The following MLLT3 variants were observed in gnomAD, a reference collection of about 807,000 sequenced individuals.
The protein encoded by MLLT3 is MLLT3 super elongation complex subunit, also known as protein AF-9.
Under a neutral mutation model 53.2 loss-of-function variants are expected in MLLT3, and 4 were observed. The observed-to-expected ratio is 0.08, with a 90% CI of 0.04 to 0.17. MLLT3 has a LOEUF of 0.17. Among genes scored for constraint, MLLT3 ranks in the 10% least tolerant of loss-of-function variants. The pLI is 1.00. For synonymous variants in MLLT3, 283 were observed against 230.6 expected (o/e 1.23, Z -2.06); for missense variants, 569 against 684.0 (o/e 0.83, Z 1.87).
chr9:20,566,336 T>C (rs1027740964), intron 2 of MLLT3, among the ~76,000 whole-genome samples: 3 of 151,820 alleles, frequency 2.0e-5, no homozygotes, highest in African/African-American at 7.3e-5. Context: ...AGGACCCTTC[T>C]GCCCCCTAAC....
chr9:20,509,848 T>C (rs920391707), intron 2 of MLLT3, among the ~76,000 whole-genome samples: 2 of 151,514 alleles, frequency 1.3e-5, no homozygotes, highest in African/African-American at 4.9e-5. Flanking sequence ...CAGAGCACAG[T>C]ATAATGATCA....
rs1349153141 is a variant in MLLT3, at chr9:20,589,387, G to C, written c.193+31267C>G. On this transcript the variant is annotated intron_variant, in intron 2 of 10. Transcript: ENST00000380338. ...CTCATAGGTGGGAATTGAACAATGA[G>C]ATCACATGGACACAGGAAGGGGAAC... Among the ~76,000 whole-genome samples the C allele has an allele frequency of 4.3e-5, 6 of 139,702 alleles. No homozygotes were observed. In the East Asian group the frequency reaches 1.3e-3, roughly 30 times the overall value. The allele number at this position is 139,702 out of a possible 152,430, so 91.6% of individuals were successfully genotyped here. A position where few individuals can be genotyped will look rare whatever the true frequency, so the allele number is the denominator to read the frequency against.
chr9:20,547,262 G>A (rs1451370240), intron 2 of MLLT3, among the ~76,000 whole-genome samples: 1 of 151,758 alleles, frequency 6.6e-6, no homozygotes, highest in Non-Finnish European at 1.5e-5. Flanking sequence ...TCAAACTCCT[G>A]GGCTCAAGTG....
At chr9:20,580,028 A>G (rs1273808107) in intron 2 of MLLT3, among the ~76,000 whole-genome samples, 1 of 152,224 alleles carries the variant, frequency 6.6e-6, no homozygotes, top group African/African-American at 2.4e-5. Flanking sequence ...AAACAGGCCC[A>G]TTAAATAAAG....
At chr9:20,411,272 C>G (rs1300466225) in intron 5 of MLLT3, 1 of 153,354 alleles carries the variant, frequency 6.5e-6, no homozygotes, top group Non-Finnish European at 1.5e-5. Flanking sequence ...CCAGGTAGGA[C>G]AGGTAGGAGA....
At chr9:20,582,314 G>A (rs904991737) in intron 2 of MLLT3, among the ~76,000 whole-genome samples, 3 of 152,056 alleles carry the variant, frequency 2.0e-5, no homozygotes, top group East Asian at 1.9e-4. Context: ...AATGTATAAC[G>A]TCATGTAACC....
Position 20,522,008 on chromosome 9 carries a change from T to G in MLLT3, c.194-65222A>C, listed in dbSNP as rs1481058088. 7.3e-4 allele frequency among the ~76,000 whole-genome samples: 29 copies of G among 39,500 alleles called. 1 individual carries two copies. In the East Asian group the frequency reaches 0.053, roughly 73 times the overall value. 25.9% of individuals were successfully genotyped at this position (39,500 alleles called of 152,430 possible). A position where few individuals can be genotyped will look rare whatever the true frequency, so the allele number is the denominator to read the frequency against. On this transcript the variant is annotated intron_variant, in intron 2 of 10. Transcript: ENST00000380338. ...TATAATTAAGTTTTGACTGTCACAG[T>G]TTTTTTTTTTTTTAACACTCTGAAA...
chr9:20,566,437 G>A (rs1384462495), intron 2 of MLLT3, among the ~76,000 whole-genome samples: 1 of 152,028 alleles, frequency 6.6e-6, no homozygotes, highest in Non-Finnish European at 1.5e-5. Context: ...CAATACGTAG[G>A]CATATTCAGT....
At chr9:20,503,884 G>T (rs1825312416) in intron 2 of MLLT3, among the ~76,000 whole-genome samples, 2 of 152,052 alleles carry the variant, frequency 1.3e-5, no homozygotes, top group South Asian at 4.2e-4. Context: ...ATTTTAAAAT[G>T]GGTGAAGGAC....
chr9:20,415,441 T>G (rs773792534), intron 4 of MLLT3: 9 of 969,128 alleles, frequency 9.3e-6, no homozygotes, highest in Non-Finnish European at 1.1e-5. Flanking sequence ...CTTACCATAT[T>G]TGTGAACCTC....
chr9:20,463,273 C>T (rs990140934), intron 2 of MLLT3, among the ~76,000 whole-genome samples: 1 of 151,146 alleles, frequency 6.6e-6, no homozygotes, highest in Non-Finnish European at 1.5e-5. Context: ...GCTTCTCTTT[C>T]AAGGGGGTGG....
chr9:20,494,784 T>C (rs1825040208), intron 2 of MLLT3, among the ~76,000 whole-genome samples: 1 of 152,302 alleles, frequency 6.6e-6, no homozygotes, highest in East Asian at 1.9e-4. Context: ...GTCCTGAGTT[T>C]GTTATTTGAA....
chr9:20,505,979 T>C (rs1825371130), intron 2 of MLLT3, among the ~76,000 whole-genome samples: 1 of 152,176 alleles, frequency 6.6e-6, no homozygotes, highest in Admixed American at 6.5e-5. Flanking sequence ...ACAGAAAACA[T>C]GCATTTCTGT....
In MLLT3 at chr9:20,547,814, T is replaced by C. The variant is rs115401245; in HGVS notation, c.193+72840A>G. 4.4e-3 allele frequency among the ~76,000 whole-genome samples: 675 copies of C among 152,186 alleles called. 4 individuals are homozygous for C. Among genetic ancestry groups the C allele is most frequent in the African/African-American group, 0.014 (592 of 41,522 alleles). On this transcript the variant is annotated intron_variant, in intron 2 of 10. Coordinates refer to ENST00000380338, the MANE Select transcript of MLLT3 (RefSeq NM_004529.4). ...AAAAATAAACAATATTAGCCAAGTG[T>C]GGTAGTGCACACCTATAGTCCTAGC... is the stretch of plus-strand genomic sequence containing the variant.
chr9:20,369,926 A>T (rs1821552965), intron 5 of MLLT3, among the ~76,000 whole-genome samples: 2 of 152,172 alleles, frequency 1.3e-5, no homozygotes, highest in African/African-American at 4.8e-5. Flanking sequence ...ACATGTGTGA[A>T]TGCTAAACCA....
At chr9:20,494,382 T>C (rs1459883772) in intron 2 of MLLT3, among the ~76,000 whole-genome samples, 2 of 152,104 alleles carry the variant, frequency 1.3e-5, no homozygotes, top group East Asian at 1.9e-4. Flanking sequence ...ATTTGCTCTG[T>C]TTTGTTTTTA....
intron 2 of MLLT3, among the ~76,000 whole-genome samples, chr9:20,567,180 C>CA (rs35890145): frequency 0.61 from 73,515 of 121,282 alleles, 21,315 homozygotes; most frequent in South Asian, 0.7. Context: ...CACTCAAAGT[C>CA]AAAAAAAAAA....
At chr9:20,619,805 T>A (rs957670808) in intron 2 of MLLT3, among the ~76,000 whole-genome samples, 1 of 152,168 alleles carries the variant, frequency 6.6e-6, no homozygotes, top group African/African-American at 2.4e-5. Context: ...ATGGAAAATG[T>A]TTGGGACCAC....
At chr9:20,511,215 G>A (rs927493013) in intron 2 of MLLT3, among the ~76,000 whole-genome samples, 4 of 151,892 alleles carry the variant, frequency 2.6e-5, no homozygotes, top group African/African-American at 7.3e-5. Flanking sequence ...ATTAATTTCT[G>A]GGGTGACTGA....
Sources: allele counts gnomAD v4.1 joint callset (sites outside exome capture counted in the v4.1 genomes callset), GRCh38; gene constraint gnomAD v4.1.1; transcripts MANE v1.5; gene names NCBI Gene and HGNC (gene_info 2026-07-23, HGNC 2026-07-21).